Variants in NAV2 observed in about 807,000 individuals in gnomAD.
The protein encoded by NAV2 is helicase, APC down-regulated 1.
A neutral mutation model predicts 223.2 loss-of-function variants in NAV2; 54 were observed. The ratio of observed to expected loss-of-function variants is 0.24; its 90% CI spans 0.19 to 0.30. NAV2 has a LOEUF of 0.30. Ranked by LOEUF, NAV2 falls within the 10% of genes least tolerant of loss-of-function variation. The pLI is 1.00. For missense variants in NAV2, 2,806 were observed against 3,147.5 expected, an observed-to-expected ratio of 0.89 and a Z score of 2.60; for synonymous variants, 1,279 against 1,239.3, an observed-to-expected ratio of 1.03 and a Z score of -0.67.
At chr11:19,465,985 A>G (rs937436515) in intron 1 of NAV2, among the ~76,000 whole-genome samples, 8 of 152,262 alleles carry the variant, frequency 5.3e-5, no homozygotes, top group Non-Finnish European at 8.8e-5. Flanking sequence ...GACACTTTCT[A>G]GAGATGTAGG....
intron 1 of NAV2, among the ~76,000 whole-genome samples, chr11:19,517,189 A>C (rs1043219078): frequency 1.4e-4 from 22 of 152,200 alleles, no homozygotes; most frequent in African/African-American, 5.3e-4. Flanking sequence ...CATGCCTGTT[A>C]CATGATCCCT....
intron 10 of NAV2, among the ~76,000 whole-genome samples, chr11:19,977,798 CTTTTTTTTTTTTT>C (rs1221334182): frequency 1.1e-5 from 1 of 90,808 alleles, no homozygotes; most frequent in South Asian, 3.8e-4. Flanking sequence ...CAACTTTTTT[CTTTTTTTTTTTTT>C]TTTTTTTTTT....
chr11:19,913,611 C>T (rs981502020), intron 6 of NAV2, among the ~76,000 whole-genome samples: 1 of 152,170 alleles, frequency 6.6e-6, no homozygotes, highest in Non-Finnish European at 1.5e-5. Context: ...CAAATTCATG[C>T]CGTGCCTTTG....
At chr11:19,585,650 T>C (rs971175455) in intron 1 of NAV2, among the ~76,000 whole-genome samples, 1 of 152,174 alleles carries the variant, frequency 6.6e-6, no homozygotes, top group Non-Finnish European at 1.5e-5. Context: ...CTTAGTTTGG[T>C]TGGATATGAA....
At chr11:19,396,227 A>G (rs1397246355) in intron 1 of NAV2, among the ~76,000 whole-genome samples, 1 of 152,222 alleles carries the variant, frequency 6.6e-6, no homozygotes, top group Non-Finnish European at 1.5e-5. Flanking sequence ...AAGCACACCT[A>G]GTACTACCAC....
chr11:19,593,072 A>G lies in NAV2; in HGVS notation c.76-239412A>G, dbSNP rs543984719. ...AGAATCTTACACAATCACCACCGCA[A>G]TCAAGATACAGAACTCTCCCCTGTC... On this transcript the variant is annotated intron_variant, in intron 1 of 37. Transcript: ENST00000360655. Among the ~76,000 whole-genome samples the G allele has an allele frequency of 2.6e-5, 4 of 152,242 alleles. 1 individual carries two copies. Among genetic ancestry groups the G allele is most frequent in the African/African-American group, 9.6e-5 (4 of 41,540 alleles).
intron 1 of NAV2, among the ~76,000 whole-genome samples, chr11:19,687,371 T>C (rs1040256398): frequency 1.1e-4 from 16 of 152,222 alleles, no homozygotes; most frequent in African/African-American, 3.6e-4. Context: ...TGCTTGTTTT[T>C]ACATTTAAAT....
At chr11:19,793,752 T>C (rs2057711976) in intron 1 of NAV2, among the ~76,000 whole-genome samples, 1 of 152,228 alleles carries the variant, frequency 6.6e-6, no homozygotes, top group African/African-American at 2.4e-5. Flanking sequence ...TGTCCTGGCC[T>C]GGAGTGCCCT....
At chr11:19,405,810 C>T (rs1392241945) in intron 1 of NAV2, among the ~76,000 whole-genome samples, 4 of 152,210 alleles carry the variant, frequency 2.6e-5, no homozygotes, top group Non-Finnish European at 5.9e-5. Flanking sequence ...CATGATTGTT[C>T]TCATTTTCTC....
intron 1 of NAV2, among the ~76,000 whole-genome samples, chr11:19,489,493 A>G (rs1309345071): frequency 6.6e-6 from 1 of 152,232 alleles, no homozygotes; most frequent in Non-Finnish European, 1.5e-5. Flanking sequence ...AGTAACTTTT[A>G]TCACTTCCTA....
chr11:19,432,419 G>T (rs151192015), intron 1 of NAV2, among the ~76,000 whole-genome samples: 29 of 152,312 alleles, frequency 1.9e-4, no homozygotes, highest in Non-Finnish European at 3.4e-4. Context: ...TCATGACTGA[G>T]TTGGTGGTGA....
chr11:19,689,812 A>G (rs570834745), intron 1 of NAV2, among the ~76,000 whole-genome samples: 1 of 152,302 alleles, frequency 6.6e-6, no homozygotes, highest in Admixed American at 6.5e-5. Context: ...GTGTCTTTCC[A>G]CGAGACTTTC....
chr11:19,912,359 T>A (rs566047475), intron 6 of NAV2, among the ~76,000 whole-genome samples: 1 of 152,342 alleles, frequency 6.6e-6, no homozygotes, highest in South Asian at 2.1e-4. Flanking sequence ...GAGCAAATGT[T>A]TACATTCCAC....
upstream of NAV2, among the ~76,000 whole-genome samples, chr11:19,349,965 C>T (rs188860494): frequency 1.2e-3 from 181 of 152,210 alleles, no homozygotes; most frequent in East Asian, 0.028. Context: ...CCCTGAGGAC[C>T]CTGGTGTCTC....
Position 19,713,450 on chromosome 11 carries a change from A to C in NAV2, c.-246A>C. 1.6e-6 allele frequency: 2 copies of C among 1,275,302 alleles called. No individual in the cohort carries two copies. The highest frequency in any genetic ancestry group is 2.0e-6 in the Non-Finnish European group (2 of 1,014,856). 79.0% of individuals were successfully genotyped at this position (1,275,302 alleles called of 1,614,324 possible). Reference sequence around the variant, plus strand: ...CAGGAGAGGTGTGAGACCCGGCGGCAGCATCCGTCCAGGTGGGACCCGCTG... The same window carrying C: ...CAGGAGAGGTGTGAGACCCGGCGGCCGCATCCGTCCAGGTGGGACCCGCTG... On this transcript the variant is annotated 5_prime_UTR_variant, in exon 1 of 38. Coordinates refer to ENST00000349880, the MANE Select transcript of NAV2 (RefSeq NM_145117.5). This position sits in a 1 kb window ranked among gnomAD's most constrained non-coding sequence, Gnocchi z 7.2.
At chr11:19,876,943 TATATTTATTTATCAATAAAAA>T (rs1179392771) in intron 4 of NAV2, among the ~76,000 whole-genome samples, 2 of 141,182 alleles carry the variant, frequency 1.4e-5, no homozygotes, top group Non-Finnish European at 3.1e-5. Context: ...TATATATTTA[TATATTTATTTATCAATAAAAA>T]ATATTTATTT....
chr11:19,923,122 C>T (rs2044423197), intron 6 of NAV2, among the ~76,000 whole-genome samples: 2 of 152,096 alleles, frequency 1.3e-5, no homozygotes, highest in Admixed American at 1.3e-4. Context: ...GAAATAAGGG[C>T]TCATCTTCTT....
At chr11:19,349,225 G>A (rs184191958), upstream of NAV2, among the ~76,000 whole-genome samples, 99 of 152,292 alleles carry the variant, frequency 6.5e-4, no homozygotes, top group Non-Finnish European at 9.4e-4. Context: ...TGTTCTGGCC[G>A]AGTGTTTCAC....
chr11:19,641,536 C>T (rs921643920), intron 1 of NAV2, among the ~76,000 whole-genome samples: 2 of 151,940 alleles, frequency 1.3e-5, no homozygotes, highest in Non-Finnish European at 2.9e-5. Flanking sequence ...CCTGCCAGGC[C>T]CCCCTGAACT....
Sources: gnomAD v4.1 joint callset for allele counts (sites outside exome capture counted in the v4.1 genomes callset) on GRCh38, gnomAD v4.1.1 for gene constraint, Gnocchi (gnomAD v3.1) non-coding constraint, MANE v1.5 for transcripts, NCBI Gene and HGNC (gene_info 2026-07-23, HGNC 2026-07-21) for gene names.